SPOCK1: variants seen among roughly 807,000 people sequenced by gnomAD.
The protein encoded by SPOCK1 is SPARC (osteonectin), cwcv and kazal like domains proteoglycan 1.
In SPOCK1, 23 loss-of-function variants were observed where a neutral mutation model predicts 55.3. The ratio of observed to expected loss-of-function variants is 0.42; its 90% CI spans 0.30 to 0.59. SPOCK1 has a LOEUF of 0.59. Among genes scored for constraint, SPOCK1 ranks in the 20% least tolerant of loss-of-function variants. SPOCK1 has a pLI of 0.22. For synonymous variants in SPOCK1, 226 were observed against 221.0 expected, an observed-to-expected ratio of 1.02 and a Z score of -0.20; for missense variants, 499 against 552.5, an observed-to-expected ratio of 0.90 and a Z score of 0.97.
At chr5:136,989,379 A>C (rs1473836500) in intron 7 of SPOCK1, among the ~76,000 whole-genome samples, 1 of 152,242 alleles carries the variant, frequency 6.6e-6, no homozygotes, top group Non-Finnish European at 1.5e-5. Context: ...TACTGTAGAC[A>C]TGTCCCAGAT....
At chr5:137,436,988 G>A (rs1752879085) in intron 2 of SPOCK1, among the ~76,000 whole-genome samples, 1 of 152,180 alleles carries the variant, frequency 6.6e-6, no homozygotes, top group African/African-American at 2.4e-5. Context: ...CGGAATGAAT[G>A]AGTGACGAAT....
In SPOCK1 at chr5:137,278,302, C is replaced by T. The variant is rs368897707; in HGVS notation, c.187-11247G>A. 1.2e-4 allele frequency among the ~76,000 whole-genome samples: 18 copies of T among 152,332 alleles called. No homozygotes were observed. The East Asian group carries it at 3.5e-3, about 29-fold the overall frequency. ...CCCCAGAAATAAATTGAGTCCAAGA[C>T]TTTGTCCACTCCAAGCCTGTGCTGT... On this transcript the variant is annotated intron_variant, in intron 2 of 10. Transcript: ENST00000394945.
intron 2 of SPOCK1, among the ~76,000 whole-genome samples, chr5:137,389,168 A>C (rs1357582565): frequency 6.6e-6 from 1 of 152,186 alleles, no homozygotes; most frequent in East Asian, 1.9e-4. Context: ...TTAAAATAGC[A>C]CAGAAGCATC....
intron 7 of SPOCK1, 48 bp downstream of exon 7, chr5:136,992,436 A>G (rs752977639): frequency 1.4e-6 from 2 of 1,434,370 alleles, no homozygotes; most frequent in South Asian, 2.6e-5. Flanking sequence ...CTAACCCTAA[A>G]TCAATGTCTA....
At chr5:137,488,263 G>C (rs1220553461) in intron 2 of SPOCK1, among the ~76,000 whole-genome samples, 2 of 152,138 alleles carry the variant, frequency 1.3e-5, no homozygotes, top group African/African-American at 4.8e-5. Context: ...TGTAGTCCCA[G>C]CTACTCGGGA....
At chr5:137,065,476 A>G (rs546413762) in intron 6 of SPOCK1, among the ~76,000 whole-genome samples, 12 of 152,294 alleles carry the variant, frequency 7.9e-5, no homozygotes, top group African/African-American at 2.6e-4. Flanking sequence ...AACTACTGAC[A>G]CTTCAATTAA....
At chr5:137,133,959 G>T (rs867717941) in intron 4 of SPOCK1, among the ~76,000 whole-genome samples, 1 of 150,502 alleles carries the variant, frequency 6.6e-6, no homozygotes, top group Non-Finnish European at 1.5e-5. Flanking sequence ...GGCTGGGGGT[G>T]GGGGGGGTAG....
intron 2 of SPOCK1, among the ~76,000 whole-genome samples, chr5:137,366,511 G>A (rs1751067012): frequency 6.6e-6 from 1 of 152,148 alleles, no homozygotes; most frequent in South Asian, 2.1e-4. Context: ...GCTGGGAGCA[G>A]GGGCCTGTTG....
At chr5:137,147,570 C>T (rs537087665) in intron 3 of SPOCK1, among the ~76,000 whole-genome samples, 1 of 152,308 alleles carries the variant, frequency 6.6e-6, no homozygotes, top group East Asian at 1.9e-4. Flanking sequence ...TTCCTCGATG[C>T]AAGCACTTGG....
intron 3 of SPOCK1, among the ~76,000 whole-genome samples, chr5:137,193,882 G>A (rs944129612): frequency 1.3e-5 from 2 of 152,202 alleles, no homozygotes; most frequent in Non-Finnish European, 2.9e-5. Context: ...ACAGGGTGCC[G>A]GTAATTTATT....
At chr5:137,170,343 T>C (rs547188760) in intron 3 of SPOCK1, among the ~76,000 whole-genome samples, 151 of 152,318 alleles carry the variant, frequency 9.9e-4, no homozygotes, top group Non-Finnish European at 1.6e-3. Context: ...ACCTATGGTG[T>C]TCCAGGCACT....
chr5:137,376,888 T>G (rs1434145495), intron 2 of SPOCK1, among the ~76,000 whole-genome samples: 2 of 152,200 alleles, frequency 1.3e-5, no homozygotes, highest in Admixed American at 1.3e-4. Context: ...GCCTTCTTTT[T>G]GTGTACCAAT....
At chr5:137,302,341 G>T (rs573166210) in intron 2 of SPOCK1, among the ~76,000 whole-genome samples, 3 of 151,846 alleles carry the variant, frequency 2.0e-5, no homozygotes, top group African/African-American at 4.8e-5. Flanking sequence ...AGGCCAAGGC[G>T]GGCAGATCAC....
intron 3 of SPOCK1, among the ~76,000 whole-genome samples, chr5:137,176,502 A>ATG (rs10527760): frequency 0.21 from 31,242 of 150,262 alleles, 3,442 homozygotes; most frequent in South Asian, 0.27. Flanking sequence ...CCCCACCACA[A>ATG]TGTGTGTGTG....
At chr5:137,274,391 T>A (rs1354830063) in intron 2 of SPOCK1, among the ~76,000 whole-genome samples, 4 of 152,238 alleles carry the variant, frequency 2.6e-5, no homozygotes, top group Non-Finnish European at 5.9e-5. Context: ...TCACCAGCTA[T>A]GTGGCCTTGC....
In SPOCK1 at chr5:137,490,471, C is replaced by T. The variant is rs115266284; in HGVS notation, c.186+7902G>A. 3.0e-3 allele frequency among the ~76,000 whole-genome samples: 455 copies of T among 152,226 alleles called. 3 individuals are homozygous for T. Among genetic ancestry groups the T allele is most frequent in the African/African-American group, 0.01 (433 of 41,526 alleles). On this transcript the variant is annotated intron_variant, in intron 2 of 10. Coordinates refer to ENST00000394945, the MANE Select transcript of SPOCK1 (RefSeq NM_004598.4). The stretch of plus-strand genomic sequence containing the variant: ...CCAGACATACAGAGCGTGCTGAGAA[C>T]GCCGCAGTAATACACAGGCCGGTTG...
chr5:137,111,911 T>C (rs1753482592), intron 5 of SPOCK1, among the ~76,000 whole-genome samples: 1 of 152,194 alleles, frequency 6.6e-6, no homozygotes, highest in Non-Finnish European at 1.5e-5. Context: ...CACTTGTCCC[T>C]ACCCCCATTC....
At chr5:137,102,905 C>T (rs554280288) in intron 5 of SPOCK1, among the ~76,000 whole-genome samples, 4 of 152,136 alleles carry the variant, frequency 2.6e-5, no homozygotes, top group African/African-American at 7.2e-5. Flanking sequence ...GTTTTTCTGT[C>T]GTTATTATTA....
At chr5:137,025,275 C>T (rs542318339) in intron 6 of SPOCK1, among the ~76,000 whole-genome samples, 1 of 152,238 alleles carries the variant, frequency 6.6e-6, no homozygotes, top group South Asian at 2.1e-4. Flanking sequence ...CAGGCCTTAT[C>T]TCACCTGTGA....
Sources: gnomAD v4.1 joint callset for allele counts (sites outside exome capture counted in the v4.1 genomes callset) on GRCh38, gnomAD v4.1.1 for gene constraint, MANE v1.5 for transcripts, NCBI Gene and HGNC (gene_info 2026-07-23, HGNC 2026-07-21) for gene names.